Variants in LRMDA observed in about 807,000 individuals in gnomAD.
The protein encoded by LRMDA is leucine rich melanocyte differentiation associated.
LRMDA carries 18 observed loss-of-function variants against 29.8 expected under a neutral mutation model. That is an observed-to-expected ratio of 0.60 (90% confidence interval 0.42 to 0.90). The LOEUF (loss-of-function observed/expected upper bound fraction) is 0.90, where lower values mean the gene tolerates loss of function less well. LRMDA is among the 40% of genes least tolerant of loss of function. The probability of loss-of-function intolerance (pLI) is 0.00; values close to 1 mark genes in which losing one functional copy is unlikely to be tolerated. For synonymous variants in LRMDA, 125 were observed against 109.4 expected (o/e 1.14, Z -0.89); for missense variants, 273 against 273.9 (o/e 1.00, Z 0.02).
chr10:76,175,858 G>T (rs1292532602), intron 5 of LRMDA, among the ~76,000 whole-genome samples: 1 of 152,188 alleles, frequency 6.6e-6, no homozygotes, highest in Non-Finnish European at 1.5e-5. Flanking sequence ...ATGGAGACCT[G>T]GGCTATAATT....
intron 6 of LRMDA, among the ~76,000 whole-genome samples, chr10:76,416,109 G>A (rs1030349227): frequency 6.6e-6 from 1 of 152,192 alleles, no homozygotes; most frequent in Non-Finnish European, 1.5e-5. Flanking sequence ...GAAGCATACT[G>A]TACTTCCAAC....
At chr10:76,224,657 G>T in intron 5 of LRMDA, among the ~76,000 whole-genome samples, 1 of 139,600 alleles carries the variant, frequency 7.2e-6, no homozygotes, top group African/African-American at 2.6e-5. Context: ...AAATAATAAT[G>T]TCTAGGACTC....
chr10:75,759,998 T>C (rs181449378), intron 2 of LRMDA, among the ~76,000 whole-genome samples: 9 of 152,372 alleles, frequency 5.9e-5, no homozygotes, highest in African/African-American at 1.9e-4. Flanking sequence ...GGGAATTATG[T>C]ATCCATGTTT....
intron 2 of LRMDA, among the ~76,000 whole-genome samples, chr10:75,486,479 TAAG>T (rs1436927491): frequency 2.6e-5 from 4 of 152,210 alleles, no homozygotes; most frequent in African/African-American, 4.8e-5. Context: ...TTGAATGTAT[TAAG>T]GAGACAATTT....
intron 2 of LRMDA, among the ~76,000 whole-genome samples, chr10:75,469,558 C>T (rs570268488): frequency 6.7e-6 from 1 of 148,582 alleles, no homozygotes; most frequent in Non-Finnish European, 1.5e-5. Flanking sequence ...AAGTGTTGCA[C>T]TGGCTGCCCA....
At chr10:75,800,531 G>A (rs532430465) in intron 2 of LRMDA, among the ~76,000 whole-genome samples, 84 of 151,212 alleles carry the variant, frequency 5.6e-4, no homozygotes, top group East Asian at 2.9e-3. Flanking sequence ...TCCGCCTCCC[G>A]CGTTCAAGTG....
intron 5 of LRMDA, among the ~76,000 whole-genome samples, chr10:76,101,036 T>C (rs1421566179): frequency 6.6e-6 from 1 of 152,254 alleles, no homozygotes; most frequent in Non-Finnish European, 1.5e-5. Flanking sequence ...TCCCACTGGT[T>C]CAGTTCCCTG....
At chr10:75,891,909 G>C (rs1845498487) in intron 2 of LRMDA, among the ~76,000 whole-genome samples, 1 of 152,192 alleles carries the variant, frequency 6.6e-6, no homozygotes, top group Non-Finnish European at 1.5e-5. Flanking sequence ...TCCAAATGGA[G>C]ATGTCAAGAA....
chr10:76,122,377 C>T (rs1019629994), intron 5 of LRMDA, among the ~76,000 whole-genome samples: 1 of 151,966 alleles, frequency 6.6e-6, no homozygotes, highest in Non-Finnish European at 1.5e-5. Flanking sequence ...CCTTCCCCTG[C>T]CTGTCTGTGA....
At chr10:75,458,934 A>T (rs1226719626) in intron 2 of LRMDA, among the ~76,000 whole-genome samples, 5 of 151,848 alleles carry the variant, frequency 3.3e-5, no homozygotes, top group Non-Finnish European at 5.9e-5. Context: ...AAAAGTTTTC[A>T]TTTTATGCAA....
chr10:76,159,396 G>A (rs1442298546), intron 5 of LRMDA, among the ~76,000 whole-genome samples: 1 of 152,156 alleles, frequency 6.6e-6, no homozygotes, highest in Non-Finnish European at 1.5e-5. Flanking sequence ...ATGCGGATGA[G>A]GATGTAGAGC....
chr10:76,113,040 C>T (rs1469100234), intron 5 of LRMDA, among the ~76,000 whole-genome samples: 1 of 152,166 alleles, frequency 6.6e-6, no homozygotes, highest in Non-Finnish European at 1.5e-5. Flanking sequence ...TTAATCCAGG[C>T]CTTTTCCCTT....
intron 2 of LRMDA, among the ~76,000 whole-genome samples, chr10:75,901,012 G>T (rs1845661570): frequency 6.6e-6 from 1 of 152,196 alleles, no homozygotes; most frequent in African/African-American, 2.4e-5. Context: ...CCTACGTAGA[G>T]CCAGCTTAGG....
At chr10:75,781,298 AT>A (rs1843380099) in intron 2 of LRMDA, among the ~76,000 whole-genome samples, 1 of 152,182 alleles carries the variant, frequency 6.6e-6, no homozygotes, top group Admixed American at 6.5e-5. Context: ...CCTCCGATAC[AT>A]TTTTGTTATA....
intron 6 of LRMDA, among the ~76,000 whole-genome samples, chr10:76,354,910 A>G (rs1029388944): frequency 2.0e-5 from 3 of 152,162 alleles, no homozygotes; most frequent in African/African-American, 7.2e-5. Context: ...GATGTCTTCT[A>G]TCTAACTAAA....
In LRMDA at chr10:76,155,720, C is replaced by A. The variant is rs533703582; in HGVS notation, c.516+96937C>A. Among the ~76,000 whole-genome samples the A allele has an allele frequency of 2.6e-5, 4 of 152,164 alleles. No homozygotes were observed. The East Asian group carries it at 7.7e-4, about 29-fold the overall frequency. ...CACATCCACGTTGATATTGTTTAAGCGCCTAAACTTTTGCTGTATTAGGGT... is the reference window on the plus strand; with the variant it reads ...CACATCCACGTTGATATTGTTTAAGAGCCTAAACTTTTGCTGTATTAGGGT... On this transcript the variant is annotated intron_variant, in intron 5 of 6. Transcript: ENST00000611255.
At chr10:76,502,135 A>G (rs952574998) in intron 6 of LRMDA, among the ~76,000 whole-genome samples, 1 of 151,662 alleles carries the variant, frequency 6.6e-6, no homozygotes, top group East Asian at 1.9e-4. Context: ...CCCATTGCCT[A>G]TTTTTGTCAG....
chr10:75,655,449 C>T (rs1841656760), intron 2 of LRMDA, among the ~76,000 whole-genome samples: 2 of 152,230 alleles, frequency 1.3e-5, no homozygotes, highest in African/African-American at 4.8e-5. Flanking sequence ...GCCTGCCATG[C>T]ATCTGGTCAT....
chr10:76,009,289 C>T (rs1050392984), intron 2 of LRMDA, among the ~76,000 whole-genome samples: 1 of 152,194 alleles, frequency 6.6e-6, no homozygotes, highest in African/African-American at 2.4e-5. Context: ...TTTCTCACTA[C>T]ACTAAGATGC....
Sources: gnomAD v4.1 joint callset for allele counts (sites outside exome capture counted in the v4.1 genomes callset) on GRCh38, gnomAD v4.1.1 for gene constraint, MANE v1.5 for transcripts, NCBI Gene and HGNC (gene_info 2026-07-23, HGNC 2026-07-21) for gene names.